ZNF664: variants seen among roughly 807,000 people sequenced by gnomAD.
The protein encoded by ZNF664 is zinc finger Organ of Corti 1.
Under a neutral mutation model 18.2 loss-of-function variants are expected in ZNF664, and 10 were observed. That is an observed-to-expected ratio of 0.55 (90% CI 0.34 to 0.93). The LOEUF is 0.93. ZNF664 is among the 40% of genes least tolerant of loss of function. The probability of loss-of-function intolerance (pLI) is 0.02; values close to 1 mark genes in which losing one functional copy is unlikely to be tolerated. For synonymous variants in ZNF664, 119 were observed against 104.2 expected (o/e 1.14, Z -0.86); for missense variants, 193 against 319.0 (o/e 0.61, Z 3.01).
chr12:123,992,835 G>T (rs761053633), intron 3 of ZNF664, among the ~76,000 whole-genome samples: 3 of 152,152 alleles, frequency 2.0e-5, no homozygotes, highest in Non-Finnish European at 1.5e-5. Context: ...TGGGCTTTGT[G>T]GTGTGGAGGA....
intron 2 of ZNF664, among the ~76,000 whole-genome samples, chr12:123,987,595 G>C (rs1242532615): frequency 6.6e-6 from 1 of 152,146 alleles, no homozygotes; most frequent in Non-Finnish European, 1.5e-5. Context: ...GTAGGGCCAG[G>C]ACATGAACTC....
chr12:124,014,338 T>C lies in ZNF664; in HGVS notation c.*1408T>C, dbSNP rs1957168046. ...TTAAGGAACAGGCCAGCACTGGCAT[T>C]CGCAAGCAGTGGGGAAGGGGAGAGA... On this transcript the variant is annotated 3_prime_UTR_variant, in exon 5 of 5. Transcript: ENST00000337815. 6.0e-6 allele frequency: 1 copy of C among 167,076 alleles called. No individual in the cohort carries two copies. Among genetic ancestry groups the C allele is most frequent in the African/African-American group, 2.4e-5 (1 of 41,426 alleles). 10.3% of individuals were successfully genotyped at this position (167,076 alleles called of 1,614,324 possible).
chr12:123,999,288 C>A (rs1159150117), intron 3 of ZNF664, among the ~76,000 whole-genome samples: 1 of 152,114 alleles, frequency 6.6e-6, no homozygotes, highest in Admixed American at 6.5e-5. Context: ...GAAAGTGTGC[C>A]CTTATGCTTT....
chr12:124,012,442 T>C lies in ZNF664; in HGVS notation c.298T>C (p.Ser100Pro), dbSNP rs1957144608. The change falls in exon 5 of 5, where the codon TCC becomes CCC. Residue 100 changes from serine (S) to proline (P), a missense_variant. By Grantham distance (74) the Ser-to-Pro change is moderately conservative (BLOSUM62 -1). Transcript: ENST00000337815. ...YECGKAFNWSSHLQIHMRVHT... is the reference protein window; with the variant it reads ...YECGKAFNWSPHLQIHMRVHT... ...GTGTGGCAAAGCCTTCAATTGGAGC[T>C]CCCATCTTCAAATTCATATGAGAGT... The C allele has an allele frequency of 6.2e-7, 1 of 1,614,174 alleles. No homozygotes were observed. The highest frequency in any genetic ancestry group is 8.5e-7 in the Non-Finnish European group (1 of 1,180,044).
At chr12:123,998,303 A>G (rs1322037328) in intron 3 of ZNF664, 1 of 152,072 alleles carries the variant, frequency 6.6e-6, no homozygotes, top group Admixed American at 6.5e-5. Flanking sequence ...AGCTTACAGG[A>G]CTTCATAGGA....
At chr12:123,981,475 C>A (rs895095296) in intron 2 of ZNF664, among the ~76,000 whole-genome samples, 1 of 152,178 alleles carries the variant, frequency 6.6e-6, no homozygotes, top group African/African-American at 2.4e-5. Context: ...ACATGCTCAG[C>A]CCCCTCTCAT....
intron 3 of ZNF664, among the ~76,000 whole-genome samples, chr12:124,007,709 A>G (rs906137603): frequency 6.6e-6 from 1 of 152,002 alleles, no homozygotes; most frequent in African/African-American, 2.4e-5. Context: ...TTTTTTTTTA[A>G]CCATGAAAAT....
intron 3 of ZNF664, among the ~76,000 whole-genome samples, chr12:124,002,281 G>A (rs556340250): frequency 1.4e-4 from 21 of 152,292 alleles, no homozygotes; most frequent in African/African-American, 4.8e-4. Context: ...GAGGGAGGCT[G>A]GTGTGTGGTT....
intron 3 of ZNF664, among the ~76,000 whole-genome samples, chr12:123,994,841 G>A (rs552032140): frequency 1.3e-5 from 2 of 152,288 alleles, no homozygotes; most frequent in South Asian, 2.1e-4. Flanking sequence ...TTGGTCATTT[G>A]GAGCCTTCAT....
intron 3 of ZNF664, chr12:123,989,196 T>C (rs1956859708): frequency 6.5e-6 from 1 of 152,972 alleles, no homozygotes; most frequent in Admixed American, 6.5e-5. Flanking sequence ...GTCTTTTCTT[T>C]TTCCTGGCTG....
chr12:123,981,427 G>A (rs755744595), intron 2 of ZNF664, among the ~76,000 whole-genome samples: 2 of 152,074 alleles, frequency 1.3e-5, no homozygotes, highest in East Asian at 3.9e-4. Context: ...GGACCTGGGG[G>A]CTTTATAAAA....
Position 124,012,617 on chromosome 12 carries a change from T to G in ZNF664, c.473T>G (p.Leu158Arg). ...AAGGCCTTCAGGCACACCTCCAGCCTCTGCATGCATCAAAGAGTCCACACA... is the reference window on the plus strand; with the variant it reads ...AAGGCCTTCAGGCACACCTCCAGCCGCTGCATGCATCAAAGAGTCCACACA... ...CGKAFRHTSSLCMHQRVHTGE... is the reference protein window; with the variant it reads ...CGKAFRHTSSRCMHQRVHTGE... The change falls in exon 5 of 5, where the codon CTC becomes CGC. Residue 158 changes from leucine (L) to arginine (R), a missense_variant. By Grantham distance (102) the Leu-to-Arg change is moderately radical. Around this residue, in one of 3 missense-constraint regions of ZNF664, gnomAD observed 61 missense variants for 153.7 expected, o/e 0.40. Transcript: ENST00000337815. 1 of 1,614,190 alleles carries G rather than the reference T, an allele frequency of 6.2e-7. No individual in the cohort carries two copies. The highest frequency in any genetic ancestry group is 8.5e-7 in the Non-Finnish European group (1 of 1,180,038).
intron 3 of ZNF664, among the ~76,000 whole-genome samples, chr12:123,995,051 T>C (rs568434125): frequency 6.6e-5 from 10 of 152,282 alleles, no homozygotes; most frequent in African/African-American, 2.2e-4. Context: ...TACTCAGTAA[T>C]CTGAGGAGGT....
At chr12:124,002,764 T>C (rs1464714334) in intron 3 of ZNF664, among the ~76,000 whole-genome samples, 1 of 152,010 alleles carries the variant, frequency 6.6e-6, no homozygotes, top group African/African-American at 2.4e-5. Context: ...GGAAATGTGG[T>C]TGTAGTGCCT....
intron 3 of ZNF664, among the ~76,000 whole-genome samples, chr12:123,990,362 G>A (rs2138372234): frequency 6.6e-6 from 1 of 152,184 alleles, no homozygotes; most frequent in East Asian, 1.9e-4. Context: ...AACTACTGTT[G>A]CTACTCCTAC....
rs1024051093 is a variant in ZNF664, at chr12:124,013,993, C to G, written c.*1063C>G. The stretch of plus-strand genomic sequence containing the variant: ...TCAACAAATATGTATTGAACACCTC[C>G]TATATGCCAGGCACTGTGCTAGGTG... On this transcript the variant is annotated 3_prime_UTR_variant, in exon 5 of 5. Transcript: ENST00000337815. 4 of 167,196 alleles carry G rather than the reference C, an allele frequency of 2.4e-5. No homozygotes were observed. In the East Asian group the frequency reaches 7.7e-4, roughly 32 times the overall value. The allele number at this position is 167,196 out of a possible 1,614,324, so 10.4% of individuals were successfully genotyped here.
At chr12:123,980,873 A>G (rs1425388646) in intron 2 of ZNF664, among the ~76,000 whole-genome samples, 9 of 152,204 alleles carry the variant, frequency 5.9e-5, no homozygotes, top group Non-Finnish European at 1.2e-4. Context: ...ATGATGGAAC[A>G]TTTGATTTAA....
In ZNF664 at chr12:124,012,077, AAC is replaced by A. The variant is rs1360901916; in HGVS notation, c.-66_-65del. On this transcript the variant is annotated 5_prime_UTR_variant, in exon 5 of 5. Transcript: ENST00000337815. ...GGCCAAATAAGAGACTCTATGAAAT[AAC>A]AGTCTTGTAACTGTAGTAATCATAA... 5.9e-6 allele frequency: 9 copies of A among 1,524,000 alleles called. No homozygotes were observed. The highest frequency in any genetic ancestry group is 4.6e-5 in the East Asian group (2 of 43,934). 94.4% of individuals were successfully genotyped at this position (1,524,000 alleles called of 1,614,324 possible).
In ZNF664 at chr12:123,988,053, A is replaced by C; in HGVS notation, c.-746A>C. ...ATTTCTCCCATCCAGCAGGATCCTA[A>C]GGCCTTTGTAGTCCTTCAGCCACTG... On this transcript the variant is annotated 5_prime_UTR_variant, in exon 3 of 5. Transcript: ENST00000337815. The C allele has an allele frequency of 1.6e-6, 2 of 1,231,438 alleles. No homozygotes were observed. Among genetic ancestry groups the C allele is most frequent in the Non-Finnish European group, 1.0e-6 (1 of 987,800 alleles). The allele number at this position is 1,231,438 out of a possible 1,614,324, so 76.3% of individuals were successfully genotyped here. A position where few individuals can be genotyped will look rare whatever the true frequency, so the allele number is the denominator to read the frequency against.
Sources: allele counts gnomAD v4.1 joint callset (sites outside exome capture counted in the v4.1 genomes callset), GRCh38; gene constraint gnomAD v4.1.1; regional missense constraint gnomAD v4.1.1; transcripts MANE v1.5; gene names NCBI Gene and HGNC (gene_info 2026-07-23, HGNC 2026-07-21).